SLC22A14: variants seen among roughly 807,000 people sequenced by gnomAD.
SLC22A14 encodes solute carrier family 22 member 14.
In SLC22A14, 50 loss-of-function variants were observed where a neutral mutation model predicts 53.9. The ratio of observed to expected loss-of-function variants is 0.93; its 90% CI spans 0.74 to 1.17. SLC22A14 has a LOEUF of 1.17. SLC22A14 is among the 50% of genes most tolerant of loss of function. The pLI, the probability that SLC22A14 is intolerant of heterozygous loss-of-function variation, is 0.00. For synonymous variants in SLC22A14, 312 were observed against 303.0 expected (o/e 1.03, Z -0.31); for missense variants, 671 against 734.7 (o/e 0.91, Z 1.00).
chr3:38,312,091 G>T (rs1704483113), intron 5 of SLC22A14, among the ~76,000 whole-genome samples: 1 of 152,178 alleles, frequency 6.6e-6, no homozygotes, highest in Non-Finnish European at 1.5e-5. Flanking sequence ...TGTCTTGAGT[G>T]TGTGTTTATG....
At chr3:38,286,915 T>G (rs532945784) in intron 1 of SLC22A14, among the ~76,000 whole-genome samples, 1 of 151,900 alleles carries the variant, frequency 6.6e-6, no homozygotes, top group South Asian at 2.1e-4. Context: ...TATTTTTTTT[T>G]TACTGGAGAC....
chr3:38,298,518 T>C (rs1454099620), intron 1 of SLC22A14, among the ~76,000 whole-genome samples: 1 of 151,994 alleles, frequency 6.6e-6, no homozygotes. Flanking sequence ...TTGGTTCCAA[T>C]CCAAGACCAC....
chr3:38,285,670 A>G (rs1343457719), intron 1 of SLC22A14, among the ~76,000 whole-genome samples: 1 of 152,172 alleles, frequency 6.6e-6, no homozygotes, highest in Non-Finnish European at 1.5e-5. Flanking sequence ...ATATAAATCT[A>G]CTACAATTTA....
chr3:38,289,918 G>T (rs9818309), intron 1 of SLC22A14, among the ~76,000 whole-genome samples: 2,775 of 152,328 alleles, frequency 0.018, 87 homozygotes, highest in African/African-American at 0.063. Context: ...CCCAAAGGGG[G>T]TAGCTGTTGC....
chr3:38,282,137 G>C (rs1235713291), upstream of SLC22A14, among the ~76,000 whole-genome samples: 2 of 152,308 alleles, frequency 1.3e-5, no homozygotes, highest in Admixed American at 1.3e-4. Flanking sequence ...GACAGGGGCA[G>C]GGGGGTTCGT....
Position 38,306,461 on chromosome 3 carries a change from C to A in SLC22A14, c.435C>A (p.Ile145=). ...TGCCTTGGAATCTGGATTCTATCAT[C>A]CAGTTTGGCCTCAATGACACAGACA... ...LPVPWNLDSI[I]QFGLNDTDTC... is the part of the protein sequence containing the mutation. The change falls in exon 2 of 11, where the codon ATC becomes ATA. Residue 145 remains isoleucine (I), a synonymous_variant. Transcript: ENST00000448498. 1 of 1,614,178 alleles carries A rather than the reference C, an allele frequency of 6.2e-7. No homozygotes were observed. The highest frequency in any genetic ancestry group is 1.1e-5 in the South Asian group (1 of 91,084).
intron 5 of SLC22A14, among the ~76,000 whole-genome samples, chr3:38,312,764 G>A (rs962603558): frequency 2.6e-5 from 4 of 152,186 alleles, no homozygotes; most frequent in East Asian, 1.9e-4. Context: ...AGAGGCAGCC[G>A]GTGGTCAGGG....
Position 38,313,683 on chromosome 3 carries a change from T to TGTGTGTGTGTGTGTGCGCGC in SLC22A14, c.1164-41_1164-40insTGTGTGTGTGTGCGCGCGTG, listed in dbSNP as rs539249729. 2.9e-4 allele frequency: 210 copies of TGTGTGTGTGTGTGTGCGCGC among 736,810 alleles called. 2 individuals are homozygous for TGTGTGTGTGTGTGTGCGCGC. The highest frequency in any genetic ancestry group is 7.2e-4 in the South Asian group (43 of 59,714). 45.6% of individuals were successfully genotyped at this position (736,810 alleles called of 1,614,324 possible). A position where few individuals can be genotyped will look rare whatever the true frequency, so the allele number is the denominator to read the frequency against. The stretch of plus-strand genomic sequence containing the variant: ...CTGTCTTTATTCCTGGCTCCGTGTG[T>TGTGTGTGTGTGTGTGCGCGC]GTGCGCGCGTGTGCACGCGCACTTG... On this transcript the variant is annotated intron_variant, in intron 7 of 10. Coordinates refer to ENST00000448498, the MANE Select transcript of SLC22A14 (RefSeq NM_001320033.2).
intron 1 of SLC22A14, among the ~76,000 whole-genome samples, chr3:38,290,874 CTAT>C (rs1703899339): frequency 6.6e-6 from 1 of 152,128 alleles, no homozygotes; most frequent in Admixed American, 6.5e-5. Context: ...TGGTTCCCTT[CTAT>C]TTCCTTTTCC....
intron 1 of SLC22A14, among the ~76,000 whole-genome samples, chr3:38,298,130 G>A (rs1455412915): frequency 4.0e-5 from 6 of 151,832 alleles, no homozygotes; most frequent in Admixed American, 3.9e-4. Context: ...TTATTTTATT[G>A]CTAAAATTGT....
upstream of SLC22A14, among the ~76,000 whole-genome samples, chr3:38,281,763 A>G (rs548950900): frequency 4.6e-4 from 70 of 152,354 alleles, 1 homozygote; most frequent in African/African-American, 1.7e-3. Flanking sequence ...TCCTAAGTAC[A>G]TGCTGTACTG....
chr3:38,299,195 C>G (rs1704107233), intron 1 of SLC22A14, among the ~76,000 whole-genome samples: 3 of 152,126 alleles, frequency 2.0e-5, no homozygotes, highest in African/African-American at 7.2e-5. Flanking sequence ...TAGTTAATTA[C>G]TTATTTGGGG....
intron 1 of SLC22A14, among the ~76,000 whole-genome samples, chr3:38,295,818 C>G (rs1338253835): frequency 1.3e-5 from 2 of 151,890 alleles, no homozygotes; most frequent in East Asian, 3.9e-4. Context: ...CTCTCTCTCT[C>G]TCTCTTTCTC....
chr3:38,313,307 G>A, intron 6 of SLC22A14, 81 bp from the exon 7 acceptor site: 4 of 1,382,960 alleles, frequency 2.9e-6, no homozygotes, highest in Non-Finnish European at 3.1e-6. Context: ...TCAGGGACAG[G>A]CAGGCCTTGT....
In SLC22A14 at chr3:38,307,964, C is replaced by A; in HGVS notation, c.775+244C>A. ...TGGAAGGGATCTCCGTTCCTGGCTG[C>A]CTGGAGATGTCAGAGAATCAGTGCC... On this transcript the variant is annotated intron_variant, in intron 4 of 10. Transcript: ENST00000448498. This position sits in a 1 kb window ranked among gnomAD's most constrained non-coding sequence, Gnocchi z 4.4. 4 of 544,800 alleles carry A rather than the reference C, an allele frequency of 7.3e-6. No homozygotes were observed. The highest frequency in any genetic ancestry group is 1.3e-5 in the Non-Finnish European group (4 of 302,434). 33.7% of individuals were successfully genotyped at this position (544,800 alleles called of 1,614,324 possible).
At position 38,307,642 on chromosome 3, in the gene SLC22A14, A is replaced by G; in HGVS notation, c.697A>G (p.Ser233Gly). The change falls in exon 4 of 11, where the codon AGC (serine) becomes GGC (glycine). Residue 233 changes from serine (S) to glycine (G), a missense_variant. Ser to Gly is a moderately conservative substitution (Grantham distance 56). Transcript: ENST00000448498. This position sits in a 1 kb window ranked among gnomAD's most constrained non-coding sequence, Gnocchi z 4.4. Reference sequence around the variant, plus strand: ...CGGCTTTGGGACAGCCTTCATGAACAGCTTTCACCTGTATTTGTTCTTTCG... The same window carrying G: ...CGGCTTTGGGACAGCCTTCATGAACGGCTTTCACCTGTATTTGTTCTTTCG... ...IFGFGTAFMN[S>G]FHLYLFFRFG... 2 of 1,614,154 alleles carry G rather than the reference A, an allele frequency of 1.2e-6. No homozygotes were observed. The highest frequency in any genetic ancestry group is 1.7e-6 in the Non-Finnish European group (2 of 1,179,996).
intron 5 of SLC22A14, among the ~76,000 whole-genome samples, chr3:38,310,446 C>T (rs567915852): frequency 6.6e-6 from 1 of 152,080 alleles, no homozygotes; most frequent in Non-Finnish European, 1.5e-5. Context: ...TTTCCTGGCC[C>T]CTCGCTCAGG....
At chr3:38,316,761 G>T (rs189822864) in intron 10 of SLC22A14, among the ~76,000 whole-genome samples, 1 of 152,158 alleles carries the variant, frequency 6.6e-6, no homozygotes, top group Non-Finnish European at 1.5e-5. Flanking sequence ...GGGCCATGTC[G>T]TCTCCTTTCC....
intron 1 of SLC22A14, among the ~76,000 whole-genome samples, chr3:38,282,591 A>G (rs1017468561): frequency 6.6e-6 from 1 of 152,032 alleles, no homozygotes; most frequent in African/African-American, 2.4e-5. Context: ...CCTCCTGGCT[A>G]TGCTTCTCCC....
Sources: gnomAD v4.1 joint callset for allele counts (sites outside exome capture counted in the v4.1 genomes callset) on GRCh38, gnomAD v4.1.1 for gene constraint, Gnocchi (gnomAD v3.1) non-coding constraint, MANE v1.5 for transcripts, NCBI Gene and HGNC (gene_info 2026-07-23, HGNC 2026-07-21) for gene names.